EFHB: variants seen among roughly 807,000 people sequenced by gnomAD.
EFHB encodes the protein EF-hand domain family member B.
EFHB carries 91 observed loss-of-function variants against 87.2 expected under a neutral mutation model. The observed-to-expected ratio is 1.04, with a 90% CI of 0.88 to 1.24. EFHB has a LOEUF of 1.24. EFHB is among the 50% of genes most tolerant of loss of function. The pLI is 0.00. For missense variants in EFHB, 1,084 were observed against 998.8 expected, an observed-to-expected ratio of 1.09 and a Z score of -1.15; for synonymous variants, 325 against 333.6, an observed-to-expected ratio of 0.97 and a Z score of 0.28.
intron 5 of EFHB, among the ~76,000 whole-genome samples, chr3:19,909,955 C>T (rs1694999292): frequency 6.6e-6 from 1 of 151,996 alleles, no homozygotes. Flanking sequence ...TTATTCAGGG[C>T]CCAGGTAGTA....
In EFHB at chr3:19,893,521, T is replaced by A. The variant is rs540886658; in HGVS notation, c.1725+3166A>T. ...AGGATGTTCAGGGGAGTGACAGACA[T>A]CATGATATTTTGTTTTTCAGCCCAC... On this transcript the variant is annotated intron_variant, in intron 9 of 12. Coordinates refer to ENST00000295824, the MANE Select transcript of EFHB (RefSeq NM_144715.4). 1.4e-4 allele frequency among the ~76,000 whole-genome samples: 22 copies of A among 152,214 alleles called. No individual in the cohort carries two copies. The South Asian group carries it at 4.6e-3, about 32-fold the overall frequency.
intron 6 of EFHB, among the ~76,000 whole-genome samples, chr3:19,901,496 G>C (rs2125132347): frequency 6.6e-6 from 1 of 152,326 alleles, no homozygotes; most frequent in East Asian, 1.9e-4. Context: ...CTGGAGAAGA[G>C]TGACACTCTG....
At chr3:19,946,735 T>A (rs1033545473) in intron 1 of EFHB, among the ~76,000 whole-genome samples, 7 of 152,262 alleles carry the variant, frequency 4.6e-5, no homozygotes, top group Middle Eastern at 3.4e-3. Context: ...ATGCCAGGAT[T>A]GGGGTTAGGG....
chr3:19,936,406 T>A, upstream of EFHB: 1 of 486,846 alleles, frequency 2.1e-6, no homozygotes, highest in South Asian at 3.2e-5. Flanking sequence ...CTACAAAAAA[T>A]TTCAAAAATC....
At chr3:19,882,788 G>A in intron 11 of EFHB, 57 bp from the exon 12 acceptor site, 4 of 1,485,760 alleles carry the variant, frequency 2.7e-6, no homozygotes, top group Middle Eastern at 1.8e-4. Context: ...GTGTAACACA[G>A]TAGCCACCAG....
At chr3:19,898,450 C>A (rs756970077) in intron 8 of EFHB, among the ~76,000 whole-genome samples, 1 of 152,156 alleles carries the variant, frequency 6.6e-6, no homozygotes, top group Non-Finnish European at 1.5e-5. Flanking sequence ...AGGACTAGGA[C>A]AATATCCAAA....
intron 2 of EFHB, 116 bp downstream of exon 2, chr3:19,920,389 C>G (rs992657595): frequency 2.4e-6 from 2 of 834,642 alleles, no homozygotes; most frequent in Admixed American, 6.5e-5. Context: ...AGCAAAGAAT[C>G]CAAATTGACC....
intron 9 of EFHB, chr3:19,895,007 T>TATATATATAA (rs1453175560): frequency 4.8e-5 from 7 of 147,106 alleles, no homozygotes; most frequent in African/African-American, 1.7e-4. Flanking sequence ...TATGTATATA[T>TATATATATAA]AAAAATATAT....
chr3:19,912,725 G>C (rs1385755801), intron 5 of EFHB, among the ~76,000 whole-genome samples: 1 of 152,166 alleles, frequency 6.6e-6, no homozygotes, highest in Non-Finnish European at 1.5e-5. Context: ...GTTAAGGGGA[G>C]AAAGTTAAGG....
Position 19,901,076 on chromosome 3 carries a change from C to CA in EFHB, c.1419-1562dup, listed in dbSNP as rs1223418114. On this transcript the variant is annotated intron_variant, in intron 6 of 12. Coordinates refer to ENST00000295824, the MANE Select transcript of EFHB (RefSeq NM_144715.4). ...AATAAGAATACACTGCATGCATTTT[C>CA]AATGCTGGCATATACAGCAATATAT... Among the ~76,000 whole-genome samples the CA allele has an allele frequency of 9.9e-5, 15 of 152,228 alleles. 1 individual carries two copies. The highest frequency in any genetic ancestry group is 9.2e-4 in the Admixed American group (14 of 15,288).
intron 1 of EFHB, among the ~76,000 whole-genome samples, chr3:19,939,868 G>A (rs533968362): frequency 6.4e-4 from 98 of 152,232 alleles, no homozygotes; most frequent in Middle Eastern, 3.4e-3. Context: ...CTGTAAAACC[G>A]AACAATTGAT....
Position 19,934,216 on chromosome 3 carries a change from CT to C in EFHB, c.-199del. 7.0e-7 allele frequency: 1 copy of C among 1,435,444 alleles called. No individual in the cohort carries two copies. Among genetic ancestry groups the C allele is most frequent in the South Asian group, 1.5e-5 (1 of 65,462 alleles). The allele number at this position is 1,435,444 out of a possible 1,614,324, so 88.9% of individuals were successfully genotyped here. The stretch of plus-strand genomic sequence containing the variant: ...GAGTTCACAGAGGAAAAGATGGAGT[CT>C]GTTTATCAGGTTACCTGGGAAACAG... On this transcript the variant is annotated 5_prime_UTR_variant, in exon 1 of 13. Transcript: ENST00000295824.
intron 5 of EFHB, among the ~76,000 whole-genome samples, chr3:19,908,577 AG>A (rs1559459526): frequency 4.6e-5 from 5 of 109,110 alleles, no homozygotes; most frequent in African/African-American, 1.3e-4. Flanking sequence ...AGAGAGAGAG[AG>A]AGAGAGAGAG....
At chr3:19,894,989 A>AAAAAATAT (rs369564576) in intron 9 of EFHB, 47 of 144,512 alleles carry the variant, frequency 3.3e-4, no homozygotes, top group African/African-American at 1.2e-3. Context: ...TGTCTCAAAA[A>AAAAAATAT]ATATATATAT....
chr3:19,886,718 G>A (rs1332625438), intron 10 of EFHB, among the ~76,000 whole-genome samples: 1 of 145,162 alleles, frequency 6.9e-6, no homozygotes, highest in Admixed American at 6.9e-5. Context: ...GGCAAATGAG[G>A]TATTATTATA....
Position 19,896,846 on chromosome 3 carries a change from T to C in EFHB, c.1571-5A>G. ...TATGGATGAGATCACCAACTCCTAT[T>C]GAAGAGAGAAAAAACTTTTTACATA... On this transcript the variant is annotated splice_polypyrimidine_tract_variant and splice_region_variant and intron_variant, in intron 8 of 12. Coordinates refer to ENST00000295824, the MANE Select transcript of EFHB (RefSeq NM_144715.4). The C allele has an allele frequency of 6.3e-7, 1 of 1,591,774 alleles. No homozygotes were observed. Among genetic ancestry groups the C allele is most frequent in the Non-Finnish European group, 8.6e-7 (1 of 1,169,154 alleles).
chr3:19,890,306 G>A (rs773322411), intron 9 of EFHB, among the ~76,000 whole-genome samples: 2 of 152,088 alleles, frequency 1.3e-5, no homozygotes, highest in Non-Finnish European at 2.9e-5. Context: ...CCGCTTTAGG[G>A]AGAAAGATGA....
upstream of EFHB, among the ~76,000 whole-genome samples, chr3:19,936,940 G>C (rs1273750644): frequency 6.6e-6 from 1 of 151,128 alleles, no homozygotes; most frequent in African/African-American, 2.4e-5. Flanking sequence ...TACTAGGGAG[G>C]CTGAGGCAGG....
At chr3:19,892,724 T>C (rs1480709188) in intron 9 of EFHB, among the ~76,000 whole-genome samples, 3 of 152,068 alleles carry the variant, frequency 2.0e-5, no homozygotes, top group Non-Finnish European at 4.4e-5. Context: ...GAGCAGTAGC[T>C]CACATCTGTA....
Sources: gnomAD v4.1 joint callset for allele counts (sites outside exome capture counted in the v4.1 genomes callset) on GRCh38, gnomAD v4.1.1 for gene constraint, MANE v1.5 for transcripts, NCBI Gene and HGNC (gene_info 2026-07-23, HGNC 2026-07-21) for gene names.